The following USP15 variants were observed in gnomAD, a reference collection of about 807,000 sequenced individuals.
The protein encoded by USP15 is ubiquitin specific peptidase 15, also known as ubiquitin carboxyl-terminal hydrolase 15.
In USP15, 18 loss-of-function variants were observed where a neutral mutation model predicts 127.1. That is an observed-to-expected ratio of 0.14 (90% CI 0.10 to 0.21). The LOEUF is 0.21. Ranked by LOEUF, USP15 falls within the 10% of genes least tolerant of loss-of-function variation. USP15 has a pLI of 1.00. For missense variants in USP15, 805 were observed against 1,159.9 expected (o/e 0.69, Z 4.44); for synonymous variants, 364 against 393.7 (o/e 0.92, Z 0.89).
intron 8 of USP15, among the ~76,000 whole-genome samples, chr12:62,370,897 C>G (rs904663447): frequency 6.6e-6 from 1 of 152,184 alleles, no homozygotes; most frequent in African/African-American, 2.4e-5. Context: ...CTTATAGGTA[C>G]AACCCAGTAA....
intron 20 of USP15, among the ~76,000 whole-genome samples, chr12:62,397,262 A>T (rs927689035): frequency 2.0e-5 from 3 of 152,244 alleles, no homozygotes. Flanking sequence ...ACAAGCTGAG[A>T]TGCTTTATCC....
At chr12:62,336,154 A>G (rs1033218370) in intron 6 of USP15, 2 of 985,414 alleles carry the variant, frequency 2.0e-6, no homozygotes, top group Non-Finnish European at 2.4e-6. Flanking sequence ...ATCATACCAT[A>G]GTAGGTGTTC....
rs2137698347 is a variant in USP15 at position 62,407,941 on chromosome 12, CTG to C, written c.*3570_*3571del. The C allele has an allele frequency of 6.6e-6, 1 of 152,252 alleles. No homozygotes were observed. Among genetic ancestry groups the C allele is most frequent in the South Asian group, 2.1e-4 (1 of 4,826 alleles). The allele number at this position is 152,252 out of a possible 1,614,324, so 9.4% of individuals were successfully genotyped here. A position where few individuals can be genotyped will look rare whatever the true frequency, so the allele number is the denominator to read the frequency against. ...TTTAAATATCTTGCTTTCTCATAAT[CTG>C]TGTTATTTTAGTAGTCCTGTATTTA... On this transcript the variant is annotated 3_prime_UTR_variant, in exon 22 of 22. Coordinates refer to ENST00000280377, the MANE Select transcript of USP15 (RefSeq NM_001252078.2).
chr12:62,389,018 A>G (rs1014085163), intron 11 of USP15, among the ~76,000 whole-genome samples: 2 of 152,186 alleles, frequency 1.3e-5, no homozygotes, highest in African/African-American at 2.4e-5. Flanking sequence ...CTAGCTACGC[A>G]AGAGGCTGAA....
At chr12:62,308,586 A>G (rs2137224679) in intron 3 of USP15, among the ~76,000 whole-genome samples, 1 of 152,254 alleles carries the variant, frequency 6.6e-6, no homozygotes, top group South Asian at 2.1e-4. Flanking sequence ...ATAATGAGGA[A>G]CAGAGGCTGC....
intron 2 of USP15, among the ~76,000 whole-genome samples, chr12:62,298,682 A>G (rs1436333305): frequency 6.6e-6 from 1 of 151,766 alleles, no homozygotes; most frequent in Non-Finnish European, 1.5e-5. Context: ...AAAATAACAT[A>G]ATATGTGGGT....
At chr12:62,349,422 C>A (rs1592644150) in intron 7 of USP15, 115 bp downstream of exon 7, 2 of 582,908 alleles carry the variant, frequency 3.4e-6, no homozygotes, top group East Asian at 6.9e-5. Context: ...AATTGGTTTT[C>A]TTTTAAATTA....
In USP15 at chr12:62,406,634, A is replaced by T. The variant is rs2067876276; in HGVS notation, c.*2259A>T. 1 of 152,196 alleles carries T rather than the reference A, an allele frequency of 6.6e-6. No homozygotes were observed. Among genetic ancestry groups the T allele is most frequent in the Non-Finnish European group, 1.5e-5 (1 of 68,042 alleles). 9.4% of individuals were successfully genotyped at this position (152,196 alleles called of 1,614,324 possible). The stretch of plus-strand genomic sequence containing the variant: ...GCTGCAAGAAGTATACTTTAAAAAT[A>T]GTGCAAAAGGATAATACATATTCTA... On this transcript the variant is annotated 3_prime_UTR_variant, in exon 22 of 22. Transcript: ENST00000280377.
intron 3 of USP15, among the ~76,000 whole-genome samples, chr12:62,306,341 G>T (rs1325970296): frequency 2.6e-5 from 4 of 152,086 alleles, no homozygotes; most frequent in Non-Finnish European, 5.9e-5. Flanking sequence ...CGTGGCTTTG[G>T]AGCTGACAGT....
intron 6 of USP15, among the ~76,000 whole-genome samples, chr12:62,341,106 T>C (rs1264164282): frequency 6.6e-6 from 1 of 152,220 alleles, no homozygotes; most frequent in African/African-American, 2.4e-5. Flanking sequence ...TCTTGTGGCA[T>C]TGATCCCTTT....
chr12:62,392,198 T>G, intron 17 of USP15, 74 bp from the exon 18 acceptor site: 1 of 964,964 alleles, frequency 1.0e-6, no homozygotes, highest in Non-Finnish European at 1.6e-6. Context: ...TCATTATTAT[T>G]CATAGTAAGA....
chr12:62,353,930 G>A (rs1315377445), intron 7 of USP15, among the ~76,000 whole-genome samples: 3 of 152,014 alleles, frequency 2.0e-5, no homozygotes, highest in Non-Finnish European at 4.4e-5. Flanking sequence ...AATTTGAATT[G>A]ATTAATGTTA....
chr12:62,283,823 TC>T (rs1374675016), intron 1 of USP15, among the ~76,000 whole-genome samples: 4 of 152,114 alleles, frequency 2.6e-5, no homozygotes, highest in Non-Finnish European at 5.9e-5. Flanking sequence ...CAAGCCATAA[TC>T]CCAGCTACTC....
chr12:62,331,692 A>G (rs1422422796), intron 6 of USP15, among the ~76,000 whole-genome samples: 1 of 152,170 alleles, frequency 6.6e-6, no homozygotes, highest in African/African-American at 2.4e-5. Context: ...TGAAGCATAA[A>G]TTTTTGGGCT....
chr12:62,269,043 A>G (rs899178065), intron 1 of USP15, among the ~76,000 whole-genome samples: 12 of 152,088 alleles, frequency 7.9e-5, no homozygotes, highest in African/African-American at 2.7e-4. Flanking sequence ...CTTAGCATAC[A>G]TGTTTTCTAG....
intron 2 of USP15, among the ~76,000 whole-genome samples, chr12:62,296,411 C>G (rs558815603): frequency 6.6e-6 from 1 of 152,138 alleles, no homozygotes; most frequent in East Asian, 1.9e-4. Context: ...CATGCTAACA[C>G]TGTTTTTTAA....
intron 1 of USP15, among the ~76,000 whole-genome samples, chr12:62,290,625 T>G: frequency 6.6e-6 from 1 of 152,220 alleles, no homozygotes; most frequent in Non-Finnish European, 1.5e-5. Flanking sequence ...AATATTGATA[T>G]GTGAGGTTTT....
At chr12:62,384,356 AT>A in intron 11 of USP15, 54 bp downstream of exon 11, 2 of 1,213,522 alleles carry the variant, frequency 1.6e-6, no homozygotes, top group Non-Finnish European at 2.1e-6. Context: ...TGCATTTGTT[AT>A]TTTTATTAAA....
At chr12:62,316,440 A>T (rs552230162) in intron 4 of USP15, among the ~76,000 whole-genome samples, 1 of 152,174 alleles carries the variant, frequency 6.6e-6, no homozygotes, top group African/African-American at 2.4e-5. Flanking sequence ...AAAATAAGAT[A>T]TTTCTACATA....
Sources: allele counts gnomAD v4.1 joint callset (sites outside exome capture counted in the v4.1 genomes callset), GRCh38; gene constraint gnomAD v4.1.1; transcripts MANE v1.5; gene names NCBI Gene and HGNC (gene_info 2026-07-23, HGNC 2026-07-21).